Variants in ATP1A2 observed in about 807,000 individuals in gnomAD.
ATP1A2 encodes sodium/potassium-transporting ATPase subunit alpha-2.
Under a neutral mutation model 113.1 loss-of-function variants are expected in ATP1A2, and 56 were observed. The ratio of observed to expected loss-of-function variants is 0.49; its 90% CI spans 0.40 to 0.62. ATP1A2 has a LOEUF of 0.62. Among genes scored for constraint, ATP1A2 ranks in the 20% least tolerant of loss-of-function variants. The pLI is 0.00. For synonymous variants in ATP1A2, 490 were observed against 526.8 expected (o/e 0.93, Z 0.96); for missense variants, 712 against 1,357.8 (o/e 0.52, Z 7.47).
At chr1:160,124,602 T>C (rs1651525721) in intron 6 of ATP1A2, among the ~76,000 whole-genome samples, 172 bp downstream of exon 6, 1 of 152,254 alleles carries the variant, frequency 6.6e-6, no homozygotes, top group African/African-American at 2.4e-5. Flanking sequence ...CAGTGCCTCC[T>C]TGCATCTGTG....
intron 5 of ATP1A2, 107 bp from the exon 6 acceptor site, chr1:160,124,189 A>G: frequency 6.4e-7 from 1 of 1,551,434 alleles, no homozygotes; most frequent in South Asian, 1.2e-5. Flanking sequence ...GCCAGCACCT[A>G]ATTGTTTATG....
Position 160,137,062 on chromosome 1 carries a change from C to A in ATP1A2, c.2840+31C>A, listed in dbSNP as rs199635020. On this transcript the variant is annotated intron_variant, in intron 20 of 22. Coordinates refer to ENST00000361216, the MANE Select transcript of ATP1A2 (RefSeq NM_000702.4). Reference sequence around the variant, plus strand: ...TGCCCACCCCCATGGCACCTACCCACCCAGGCTCTGGGCACACTCACCAAC... The same window carrying A: ...TGCCCACCCCCATGGCACCTACCCAACCAGGCTCTGGGCACACTCACCAAC... 8.4e-5 allele frequency: 136 copies of A among 1,613,724 alleles called. 1 individual carries two copies. Among genetic ancestry groups the A allele is most frequent in the Non-Finnish European group, 1.4e-5 (16 of 1,180,034 alleles).
At chr1:160,124,610 G>A (rs911923383) in intron 6 of ATP1A2, among the ~76,000 whole-genome samples, 180 bp downstream of exon 6, 2 of 152,228 alleles carry the variant, frequency 1.3e-5, no homozygotes, top group Non-Finnish European at 2.9e-5. Flanking sequence ...CCTTGCATCT[G>A]TGTGTTATGA....
chr1:160,116,920 AG>A (rs1181290581), intron 1 of ATP1A2, among the ~76,000 whole-genome samples: 15 of 152,154 alleles, frequency 9.9e-5, no homozygotes, highest in African/African-American at 3.4e-4. Flanking sequence ...AGCCATAAAT[AG>A]AATTGGAGTG....
chr1:160,131,199 A>G (rs901852103), intron 13 of ATP1A2, among the ~76,000 whole-genome samples: 1 of 152,160 alleles, frequency 6.6e-6, no homozygotes, highest in African/African-American at 2.4e-5. Context: ...GTGTCACATG[A>G]CACATCTAGA....
chr1:160,121,766 C>T (rs1651408192), intron 3 of ATP1A2, among the ~76,000 whole-genome samples: 1 of 152,214 alleles, frequency 6.6e-6, no homozygotes. Context: ...GAGTAACTTC[C>T]CAAGGTCACA....
Position 160,120,180 on chromosome 1 carries a change from G to A in ATP1A2, c.13-726G>A, listed in dbSNP as rs939598416. 3.3e-5 allele frequency among the ~76,000 whole-genome samples: 5 copies of A among 152,294 alleles called. No individual in the cohort carries two copies. In the East Asian group the frequency reaches 7.7e-4, roughly 23 times the overall value. On this transcript the variant is annotated intron_variant, in intron 1 of 22. Coordinates refer to ENST00000361216, the MANE Select transcript of ATP1A2 (RefSeq NM_000702.4). ...CATGTTACCCAATTGTGCTTTGGGG[G>A]TCCAGTCCTGTGAGTTGCCTCCCGT...
chr1:160,136,224 G>C (rs756023494), intron 17 of ATP1A2, 23 bp from the exon 18 acceptor site: 14 of 1,613,910 alleles, frequency 8.7e-6, no homozygotes, highest in Admixed American at 1.7e-5. Context: ...TGCCCTCCCT[G>C]CCCCATTTCC....
At chr1:160,119,410 AT>A (rs1177426862) in intron 1 of ATP1A2, among the ~76,000 whole-genome samples, 3 of 152,172 alleles carry the variant, frequency 2.0e-5, no homozygotes, top group Admixed American at 1.3e-4. Context: ...CAGTGGAGAA[AT>A]AGGCACCAGG....
chr1:160,128,378 G>A, intron 8 of ATP1A2: 2 of 853,324 alleles, frequency 2.3e-6, no homozygotes, highest in African/African-American at 1.7e-5. Context: ...CTTCTGTGTT[G>A]ATGACTCAGA....
rs776507138 is a variant in ATP1A2, at chr1:160,121,028, C to T, written c.117+18C>T. On this transcript the variant is annotated intron_variant, in intron 2 of 22. Transcript: ENST00000361216. Reference sequence around the variant, plus strand: ...TGGCAATGGTGAGGGAACTGCTGGGCCATGGAGGAGGGGCCCCATGCTGGG... The same window carrying T: ...TGGCAATGGTGAGGGAACTGCTGGGTCATGGAGGAGGGGCCCCATGCTGGG... The T allele has an allele frequency of 6.2e-7, 1 of 1,613,914 alleles. No homozygotes were observed. Among genetic ancestry groups the T allele is most frequent in the South Asian group, 1.1e-5 (1 of 91,056 alleles).
At chr1:160,119,821 T>C (rs1651322714) in intron 1 of ATP1A2, among the ~76,000 whole-genome samples, 1 of 89,792 alleles carries the variant, frequency 1.1e-5, no homozygotes, top group South Asian at 4.7e-4. Context: ...AGTGAGACCT[T>C]ATATCTAAAA....
rs899504987 is a variant in ATP1A2 at position 160,130,049 on chromosome 1, C to T, written c.1462-53C>T. 3.1e-5 allele frequency: 50 copies of T among 1,608,968 alleles called. No individual in the cohort carries two copies. In the African/African-American group the frequency reaches 4.8e-4, roughly 15 times the overall value. The stretch of plus-strand genomic sequence containing the variant: ...TTCCTTACCAGCTGCTGCTCTATGC[C>T]GCGCTACCAAGACAAGTATGGCCCT... On this transcript the variant is annotated intron_variant, in intron 11 of 22. Coordinates refer to ENST00000361216, the MANE Select transcript of ATP1A2 (RefSeq NM_000702.4).
intron 1 of ATP1A2, among the ~76,000 whole-genome samples, chr1:160,119,707 GACT>G (rs1651318244): frequency 6.6e-6 from 1 of 151,752 alleles, no homozygotes; most frequent in African/African-American, 2.4e-5. Flanking sequence ...AGCCTCATAA[GACT>G]ACAATTAAAA....
chr1:160,136,675 G>A lies in ATP1A2; in HGVS notation c.2669G>A (p.Arg890Gln), dbSNP rs868485498. Residue 890 changes from arginine to glutamine, a missense_variant, in exon 19 of 23, where the codon CGG (arginine) becomes CAG (glutamine). Transcript: ENST00000361216. ...GGAATCCGCCTCGACTGGGATGACCGGACCATGAATGATCTGGAGGACAGC... is the reference window on the plus strand; with the variant it reads ...GGAATCCGCCTCGACTGGGATGACCAGACCATGAATGATCTGGAGGACAGC... ...LLGIRLDWDD[R>Q]TMNDLEDSYG... 11 of 1,614,228 alleles carry A rather than the reference G, an allele frequency of 6.8e-6. No individual in the cohort carries two copies. The highest frequency in any genetic ancestry group is 8.5e-6 in the Non-Finnish European group (10 of 1,180,042).
chr1:160,136,685 T>C lies in ATP1A2; in HGVS notation c.2679T>C (p.Asn893=). Residue 893 remains asparagine, a synonymous_variant, in exon 19 of 23, where the codon AAT becomes AAC. Coordinates refer to ENST00000361216, the MANE Select transcript of ATP1A2 (RefSeq NM_000702.4). ...TCGACTGGGATGACCGGACCATGAA[T>C]GATCTGGAGGACAGCTATGGACAGG... The part of the protein sequence containing the change: ...IRLDWDDRTM[N]DLEDSYGQEW... The C allele has an allele frequency of 6.2e-7, 1 of 1,614,222 alleles. No homozygotes were observed. Among genetic ancestry groups the C allele is most frequent in the South Asian group, 1.1e-5 (1 of 91,078 alleles).
Position 160,136,371 on chromosome 1 carries a change from G to A in ATP1A2, c.2563+1G>A. ...ATCAGCATGGCCTACGGACAGATCG[G>A]TGCGCCAAGCCCCGGGCCTCGGGAG... On this transcript the variant is annotated splice_donor_variant, in intron 18 of 22. Transcript: ENST00000361216. LOFTEE classifies it high-confidence loss of function. The A allele has an allele frequency of 1.9e-6, 3 of 1,614,074 alleles. No individual in the cohort carries two copies. The highest frequency in any genetic ancestry group is 2.5e-6 in the Non-Finnish European group (3 of 1,180,036).
At chr1:160,125,275 T>C (rs374931366) in intron 7 of ATP1A2, 22 bp downstream of exon 7, 47 of 1,589,966 alleles carry the variant, frequency 3.0e-5, no homozygotes, top group Admixed American at 5.0e-5. Flanking sequence ...GGCTGCCCCC[T>C]GTAGGAAAGA....
Position 160,115,918 on chromosome 1 carries a change from G to A in ATP1A2, c.12+45G>A, listed in dbSNP as rs186666025. 5.0e-6 allele frequency: 8 copies of A among 1,590,868 alleles called. No homozygotes were observed. The East Asian group carries it at 1.6e-4, about 32-fold the overall frequency. ...AGGGGTCGCAGTCTAGAGGGTGAGG[G>A]AGGCTGCTGAGGAAGGATGAAGTGG... On this transcript the variant is annotated intron_variant, in intron 1 of 22. Coordinates refer to ENST00000361216, the MANE Select transcript of ATP1A2 (RefSeq NM_000702.4).
Sources: allele counts gnomAD v4.1 joint callset (sites outside exome capture counted in the v4.1 genomes callset), GRCh38; gene constraint gnomAD v4.1.1; transcripts MANE v1.5; gene names NCBI Gene and HGNC (gene_info 2026-07-23, HGNC 2026-07-21).